The following GLIS3 variants were observed in gnomAD, a reference collection of about 807,000 sequenced individuals.
GLIS3 encodes GLIS family zinc finger 3, also known as zinc finger protein GLIS3.
Under a neutral mutation model 78.6 loss-of-function variants are expected in GLIS3, and 53 were observed. That is an observed-to-expected ratio of 0.67 (90% CI 0.54 to 0.85). GLIS3 has a LOEUF of 0.85. Among genes scored for constraint, GLIS3 ranks in the 40% least tolerant of loss-of-function variants. The pLI, the probability that GLIS3 is intolerant of heterozygous loss-of-function variation, is 0.00. For missense variants in GLIS3, 1,703 were observed against 1,231.1 expected (o/e 1.38, Z -5.74); for synonymous variants, 684 against 509.9 (o/e 1.34, Z -4.60).
chr9:4,482,505 G>A, the GLIS3 span, among the ~76,000 whole-genome samples: 1 of 152,180 alleles, frequency 6.6e-6, no homozygotes, highest in African/African-American at 2.4e-5. Flanking sequence ...AATCCATGCA[G>A]CTGAGATGCT....
intron 4 of GLIS3, among the ~76,000 whole-genome samples, chr9:3,983,408 C>T (rs112949259): frequency 8.5e-5 from 13 of 152,208 alleles, no homozygotes; most frequent in African/African-American, 3.1e-4. Flanking sequence ...TTGGTACCAG[C>T]AGAGGGGGGC....
the GLIS3 span, among the ~76,000 whole-genome samples, chr9:4,442,256 C>G: frequency 2.6e-5 from 4 of 152,152 alleles, no homozygotes; most frequent in African/African-American, 9.7e-5. Context: ...TCATAATTGT[C>G]TGTTATGATC....
intron 3 of GLIS3, among the ~76,000 whole-genome samples, chr9:4,122,066 T>G (rs1334437772): frequency 6.6e-6 from 1 of 152,228 alleles, no homozygotes; most frequent in East Asian, 1.9e-4. Flanking sequence ...AAAGGAGATA[T>G]ATCTTGAACA....
chr9:3,879,565 C>A lies in GLIS3; in HGVS notation c.2159G>T (p.Arg720Leu). ...APIFSSNYSS[R>L]SGTAAGAVPP... is the part of the protein sequence containing the mutation. ...TACGGCCCCAGCAGCTGTTCCACTTCGGCTTGAATAATTGCTGGAGAAAAT... is the reference window on the plus strand; with the variant it reads ...TACGGCCCCAGCAGCTGTTCCACTTAGGCTTGAATAATTGCTGGAGAAAAT... Residue 720 changes from arginine to leucine, a missense_variant, in exon 8 of 11, where the codon CGA (arginine) becomes CTA (leucine). Coordinates refer to ENST00000381971, the MANE Select transcript of GLIS3 (RefSeq NM_001042413.2). The A allele has an allele frequency of 6.2e-7, 1 of 1,614,000 alleles. No homozygotes were observed. Among genetic ancestry groups the A allele is most frequent in the Non-Finnish European group, 8.5e-7 (1 of 1,180,008 alleles).
intron 2 of GLIS3, among the ~76,000 whole-genome samples, chr9:4,264,148 T>A (rs1298246200): frequency 6.6e-6 from 1 of 152,192 alleles, no homozygotes; most frequent in East Asian, 1.9e-4. Context: ...CAATTCCAGA[T>A]TTCTCCATCT....
At chr9:4,396,136 G>A in the GLIS3 span, among the ~76,000 whole-genome samples, 1 of 148,670 alleles carries the variant, frequency 6.7e-6, no homozygotes, top group Non-Finnish European at 1.5e-5. Flanking sequence ...TTTTTTAGAT[G>A]GAATCTCACT....
rs76889630 is a variant in GLIS3 at position 4,215,876 on chromosome 9, G to A, written c.388+70162C>T. Among the ~76,000 whole-genome samples the A allele has an allele frequency of 5.3e-3, 804 of 152,194 alleles. 14 individuals carry two copies. Among genetic ancestry groups the A allele is most frequent in the African/African-American group, 0.018 (755 of 41,528 alleles). ...GGCACACTCAGTAGTTTTCAATATC[G>A]TTTTCAAAAATGGTTCAAGCAATAT... On this transcript the variant is annotated intron_variant, in intron 2 of 10. Coordinates refer to ENST00000381971, the MANE Select transcript of GLIS3 (RefSeq NM_001042413.2).
chr9:3,944,631 A>G (rs1201452884), intron 4 of GLIS3, among the ~76,000 whole-genome samples: 1 of 152,216 alleles, frequency 6.6e-6, no homozygotes, highest in Admixed American at 6.5e-5. Flanking sequence ...ACATATCCAT[A>G]AGAGCATGTA....
chr9:4,169,191 G>A (rs1490640995), intron 2 of GLIS3, among the ~76,000 whole-genome samples: 2 of 152,148 alleles, frequency 1.3e-5, no homozygotes, highest in African/African-American at 4.8e-5. Context: ...TCATAAATGA[G>A]ACCTCTACTG....
At chr9:4,041,352 G>A (rs1041082991) in intron 4 of GLIS3, among the ~76,000 whole-genome samples, 25 of 152,192 alleles carry the variant, frequency 1.6e-4, no homozygotes, top group East Asian at 3.9e-4. Context: ...CTGCTGAAAC[G>A]AACTATCTTG....
Position 4,286,267 on chromosome 9 carries a change from G to A in GLIS3, c.159C>T (p.Ser53=), listed in dbSNP as rs1447472107. 1 of 1,614,204 alleles carries A rather than the reference G, an allele frequency of 6.2e-7. No individual in the cohort carries two copies. Among genetic ancestry groups the A allele is most frequent in the African/African-American group, 1.3e-5 (1 of 75,056 alleles). ...CGSTSSPTMA[S]LANNLHLKMP... ...TCTTGAGATGGAGGTTGTTAGCAAG[G>A]CTTGCCATAGTGGGACTCGATGTGC... Residue 53 remains serine (S), a synonymous_variant, in exon 2 of 11, where the codon AGC becomes AGT. Transcript: ENST00000381971.
intron 3 of GLIS3, among the ~76,000 whole-genome samples, chr9:4,120,439 G>A (rs1477537889): frequency 6.6e-6 from 1 of 152,158 alleles, no homozygotes; most frequent in Non-Finnish European, 1.5e-5. Context: ...TAGTCTTTTT[G>A]CAACCTCCAC....
At chr9:4,261,992 C>G (rs1825576160) in intron 2 of GLIS3, among the ~76,000 whole-genome samples, 2 of 152,074 alleles carry the variant, frequency 1.3e-5, no homozygotes, top group Admixed American at 6.6e-5. Context: ...TCTAAAAGTT[C>G]CTGTGTAAGG....
chr9:4,324,959 C>T (rs1343697279), intron 2 of GLIS3, among the ~76,000 whole-genome samples: 2 of 152,208 alleles, frequency 1.3e-5, no homozygotes, highest in Non-Finnish European at 2.9e-5. Flanking sequence ...TTACTGTGTG[C>T]TAGGTAATAT....
At chr9:3,990,996 T>G (rs1820188576) in intron 4 of GLIS3, among the ~76,000 whole-genome samples, 1 of 152,148 alleles carries the variant, frequency 6.6e-6, no homozygotes, top group Non-Finnish European at 1.5e-5. Context: ...AGATTGATGT[T>G]TCTGATGACA....
chr9:4,086,431 G>A (rs1297959329), intron 4 of GLIS3, among the ~76,000 whole-genome samples: 2 of 152,222 alleles, frequency 1.3e-5, no homozygotes, highest in Admixed American at 6.5e-5. Context: ...TGAGCTCTCA[G>A]AGACCAGGAT....
chr9:4,425,134 C>A, the GLIS3 span, among the ~76,000 whole-genome samples: 5 of 152,146 alleles, frequency 3.3e-5, no homozygotes, highest in Non-Finnish European at 7.4e-5. Context: ...GAGCCTGGGT[C>A]CCTGCTCATC....
chr9:4,289,388 T>C (rs1828261746), intron 1 of GLIS3, among the ~76,000 whole-genome samples: 1 of 152,184 alleles, frequency 6.6e-6, no homozygotes, highest in African/African-American at 2.4e-5. Flanking sequence ...AATAGCATTC[T>C]CTACCACCCC....
At chr9:4,043,417 T>C (rs1161912841) in intron 4 of GLIS3, among the ~76,000 whole-genome samples, 2 of 152,206 alleles carry the variant, frequency 1.3e-5, no homozygotes, top group East Asian at 1.9e-4. Flanking sequence ...GCAGTTCTGA[T>C]TGAGCTGTGG....
Sources: allele counts gnomAD v4.1 joint callset (sites outside exome capture counted in the v4.1 genomes callset), GRCh38; gene constraint gnomAD v4.1.1; transcripts MANE v1.5; gene names NCBI Gene and HGNC (gene_info 2026-07-23, HGNC 2026-07-21).